Variants in BCAS4 observed in about 807,000 individuals in gnomAD.
The protein encoded by BCAS4 is breast carcinoma amplified sequence 4, also known as breast carcinoma-amplified sequence 4.
BCAS4 carries 9 observed loss-of-function variants against 15.7 expected under a neutral mutation model. The observed-to-expected ratio is 0.57, with a 90% CI of 0.34 to 1.00. The LOEUF (loss-of-function observed/expected upper bound fraction) is 1.00. BCAS4 is among the 50% of genes least tolerant of loss of function. The pLI, the probability that BCAS4 is intolerant of heterozygous loss-of-function variation, is 0.02. For missense variants in BCAS4, 225 were observed against 239.1 expected, an observed-to-expected ratio of 0.94 and a Z score of 0.39; for synonymous variants, 101 against 99.5, an observed-to-expected ratio of 1.02 and a Z score of -0.09.
At chr20:50,814,809 C>T (rs576360970) in intron 1 of BCAS4, among the ~76,000 whole-genome samples, 1 of 152,240 alleles carries the variant, frequency 6.6e-6, no homozygotes, top group South Asian at 2.1e-4. Flanking sequence ...TGTTTTTATT[C>T]TATGGCGAAA....
chr20:50,855,546 G>A (rs561321205), intron 4 of BCAS4, among the ~76,000 whole-genome samples: 4 of 152,148 alleles, frequency 2.6e-5, no homozygotes, highest in African/African-American at 9.6e-5. Context: ...TCCTCCAAGA[G>A]ACCTTCCTGG....
intron 1 of BCAS4, among the ~76,000 whole-genome samples, chr20:50,800,326 A>C (rs2087912065): frequency 6.6e-6 from 1 of 151,194 alleles, no homozygotes; most frequent in South Asian, 2.1e-4. Flanking sequence ...GGGATGAAGC[A>C]GGGGGTTTTT....
At chr20:50,849,951 A>C (rs756280283) in intron 4 of BCAS4, among the ~76,000 whole-genome samples, 6 of 152,118 alleles carry the variant, frequency 3.9e-5, no homozygotes, top group Non-Finnish European at 7.4e-5. Flanking sequence ...ACACAGTGAG[A>C]CCCTGTCTCT....
intron 4 of BCAS4, among the ~76,000 whole-genome samples, chr20:50,865,143 T>C (rs1468451731): frequency 6.6e-6 from 1 of 152,200 alleles, no homozygotes; most frequent in Non-Finnish European, 1.5e-5. Context: ...TCTATGGTGA[T>C]GAGACACTTA....
chr20:50,872,557 C>T (rs1386003791), intron 4 of BCAS4, among the ~76,000 whole-genome samples: 1 of 146,126 alleles, frequency 6.8e-6, no homozygotes, highest in Admixed American at 6.9e-5. Context: ...GGCGACAGAG[C>T]GAGACTCCAT....
At chr20:50,796,948 A>G (rs1331384911) in intron 1 of BCAS4, among the ~76,000 whole-genome samples, 1 of 151,654 alleles carries the variant, frequency 6.6e-6, no homozygotes, top group African/African-American at 2.4e-5. Context: ...CTCCCACCTC[A>G]GCCTCCCGCA....
chr20:50,813,526 T>C (rs910497187), intron 1 of BCAS4, among the ~76,000 whole-genome samples: 2 of 152,122 alleles, frequency 1.3e-5, no homozygotes, highest in Non-Finnish European at 2.9e-5. Flanking sequence ...AGAGACATTT[T>C]GAAGGTAGAA....
In BCAS4 at chr20:50,812,542, C is replaced by T. The variant is rs145144015; in HGVS notation, c.91-5669C>T. 2.9e-4 allele frequency among the ~76,000 whole-genome samples: 44 copies of T among 151,588 alleles called. No homozygotes were observed. The East Asian group carries it at 7.4e-3, about 26-fold the overall frequency. The stretch of plus-strand genomic sequence containing the variant: ...AACTCCACCTCCTGGATTCCCCAAG[C>T]AATTCTCGTGCCTCAGCCACCCAAG... On this transcript the variant is annotated intron_variant, in intron 1 of 4. Transcript: ENST00000371608.
chr20:50,850,853 G>C (rs1473308165), intron 4 of BCAS4, among the ~76,000 whole-genome samples: 1 of 152,216 alleles, frequency 6.6e-6, no homozygotes, highest in Non-Finnish European at 1.5e-5. Context: ...AAGGCTTCTT[G>C]CCTGCCTCCC....
At chr20:50,805,740 C>T (rs1336859094) in intron 1 of BCAS4, among the ~76,000 whole-genome samples, 2 of 152,038 alleles carry the variant, frequency 1.3e-5, no homozygotes, top group South Asian at 2.1e-4. Context: ...TTTGGGAGGC[C>T]GAGGTGGGTG....
chr20:50,799,805 T>G (rs928705476), intron 1 of BCAS4, among the ~76,000 whole-genome samples: 2 of 152,130 alleles, frequency 1.3e-5, no homozygotes. Flanking sequence ...CCTGTAATCC[T>G]AGCACTTTGG....
intron 3 of BCAS4, chr20:50,840,652 T>C (rs1304269401): frequency 6.2e-6 from 10 of 1,612,186 alleles, no homozygotes; most frequent in Non-Finnish European, 8.5e-6. Flanking sequence ...TTCAATCGTT[T>C]CTTTGGAAGG....
At chr20:50,835,859 T>C (rs769836942) in intron 3 of BCAS4, among the ~76,000 whole-genome samples, 2 of 152,020 alleles carry the variant, frequency 1.3e-5, no homozygotes, top group African/African-American at 2.4e-5. Flanking sequence ...GAGTCCTAAG[T>C]GAGGTCCCAA....
intron 1 of BCAS4, among the ~76,000 whole-genome samples, chr20:50,801,286 C>T (rs369774213): frequency 5.3e-5 from 8 of 152,136 alleles, no homozygotes; most frequent in African/African-American, 1.4e-4. Flanking sequence ...ATTAGTTGTG[C>T]GTAGTGGCAG....
intron 2 of BCAS4, among the ~76,000 whole-genome samples, chr20:50,824,709 G>A (rs1568663896): frequency 1.3e-5 from 2 of 152,152 alleles, no homozygotes; most frequent in Admixed American, 1.3e-4. Flanking sequence ...AGACTGTAGG[G>A]AGTGATGGGG....
At chr20:50,796,977 C>T (rs565693675) in intron 1 of BCAS4, among the ~76,000 whole-genome samples, 7 of 151,848 alleles carry the variant, frequency 4.6e-5, no homozygotes, top group Admixed American at 1.3e-4. Flanking sequence ...ACCACAGGTG[C>T]GCACCACCAT....
At chr20:50,810,977 G>C (rs1262768372) in intron 1 of BCAS4, among the ~76,000 whole-genome samples, 1 of 152,146 alleles carries the variant, frequency 6.6e-6, no homozygotes, top group Non-Finnish European at 1.5e-5. Context: ...GGAGCTATAG[G>C]GTCAGGGAAA....
At chr20:50,825,334 G>A (rs946281213) in intron 2 of BCAS4, among the ~76,000 whole-genome samples, 1 of 151,760 alleles carries the variant, frequency 6.6e-6, no homozygotes, top group Non-Finnish European at 1.5e-5. Flanking sequence ...CTCTCACCTC[G>A]GCCTCTCAAA....
At chr20:50,861,419 C>A (rs1979061204) in intron 4 of BCAS4, among the ~76,000 whole-genome samples, 1 of 152,254 alleles carries the variant, frequency 6.6e-6, no homozygotes, top group Non-Finnish European at 1.5e-5. Context: ...GGTGGAGGGG[C>A]TGGACCAGAG....
Sources: allele counts gnomAD v4.1 joint callset (sites outside exome capture counted in the v4.1 genomes callset), GRCh38; gene constraint gnomAD v4.1.1; transcripts MANE v1.5; gene names NCBI Gene and HGNC (gene_info 2026-07-23, HGNC 2026-07-21).